The following SLC38A9 variants were observed in gnomAD, a reference collection of about 807,000 sequenced individuals.
SLC38A9 encodes the protein solute carrier family 38 member 9.
Under a neutral mutation model 62.3 loss-of-function variants are expected in SLC38A9, and 48 were observed. The ratio of observed to expected loss-of-function variants is 0.77; its 90% CI spans 0.61 to 0.98. The LOEUF is 0.98. Among genes scored for constraint, SLC38A9 ranks in the 50% least tolerant of loss-of-function variants. SLC38A9 has a pLI of 0.00. For synonymous variants in SLC38A9, 204 were observed against 227.7 expected (o/e 0.90, Z 0.94); for missense variants, 541 against 679.8 (o/e 0.80, Z 2.27).
chr5:55,697,018 G>GGC, intron 3 of SLC38A9: 1 of 156,780 alleles, frequency 6.4e-6, no homozygotes, highest in Non-Finnish European at 1.4e-5. Context: ...GCCGGGAAGA[G>GGC]GCGCTCCTCA....
chr5:55,688,435 A>G (rs1156454636), intron 3 of SLC38A9, among the ~76,000 whole-genome samples: 1 of 133,890 alleles, frequency 7.5e-6, no homozygotes, highest in Non-Finnish European at 1.5e-5. Context: ...GCTGGAGTGC[A>G]GTGGCCCGAT....
chr5:55,697,779 T>C, intron 3 of SLC38A9, 67 bp downstream of exon 3: 1 of 768,790 alleles, frequency 1.3e-6, no homozygotes, highest in East Asian at 2.7e-5. Flanking sequence ...CATGTTTGGT[T>C]ATAATTAGAT....
chr5:55,709,795 T>G (rs889072233), intron 2 of SLC38A9, among the ~76,000 whole-genome samples: 4 of 151,604 alleles, frequency 2.6e-5, no homozygotes, highest in Non-Finnish European at 4.4e-5. Flanking sequence ...GCTGGGCGTG[T>G]GTGGCACACG....
intron 14 of SLC38A9, among the ~76,000 whole-genome samples, chr5:55,632,034 CTAA>C (rs1212816982): frequency 6.6e-6 from 1 of 152,002 alleles, no homozygotes; most frequent in East Asian, 1.9e-4. Flanking sequence ...TCCTTCATCC[CTAA>C]TAAGAGGTTA....
intron 12 of SLC38A9, 62 bp downstream of exon 12, chr5:55,645,727 T>G (rs559214217): frequency 8.7e-7 from 1 of 1,146,078 alleles, no homozygotes; most frequent in South Asian, 1.4e-5. Flanking sequence ...GTGCCTCAAA[T>G]ACTGACTTAA....
chr5:55,656,887 G>A (rs1182529012), intron 8 of SLC38A9, 113 bp from the exon 9 acceptor site: 7 of 459,710 alleles, frequency 1.5e-5, no homozygotes, highest in Non-Finnish European at 2.2e-5. Flanking sequence ...TTGAGACGGA[G>A]TCTTGCTCTG....
At chr5:55,661,296 T>G (rs1448432579) in intron 8 of SLC38A9, among the ~76,000 whole-genome samples, 1 of 151,584 alleles carries the variant, frequency 6.6e-6, no homozygotes, top group Non-Finnish European at 1.5e-5. Context: ...TACAAAAACA[T>G]TAGCCAGGCA....
At chr5:55,671,502 C>CTTTTTTTTTTTTTTTT (rs145470405) in intron 4 of SLC38A9, among the ~76,000 whole-genome samples, 1 of 144,352 alleles carries the variant, frequency 6.9e-6, no homozygotes, top group African/African-American at 2.5e-5. Flanking sequence ...GTTTCCCATT[C>CTTTTTTTTTTTTTTTT]TTCTTTTTTT....
intron 9 of SLC38A9, among the ~76,000 whole-genome samples, chr5:55,654,516 G>T (rs948464564): frequency 1.3e-5 from 2 of 151,898 alleles, no homozygotes; most frequent in South Asian, 4.2e-4. Context: ...GAGGTGGGAG[G>T]ATTGCTGAAA....
At chr5:55,643,545 A>T (rs1745783356) in intron 12 of SLC38A9, among the ~76,000 whole-genome samples, 1 of 152,246 alleles carries the variant, frequency 6.6e-6, no homozygotes. Context: ...TAGATTAAAT[A>T]GGTTGACAGT....
At chr5:55,639,317 A>T (rs1225384248) in intron 12 of SLC38A9, among the ~76,000 whole-genome samples, 1 of 151,564 alleles carries the variant, frequency 6.6e-6, no homozygotes, top group Non-Finnish European at 1.5e-5. Context: ...TATCCCATTT[A>T]CACATATAAC....
chr5:55,664,842 C>A lies in SLC38A9; in HGVS notation c.548G>T (p.Trp183Leu). Residue 183 changes from tryptophan (W) to leucine (L), a missense_variant, in exon 8 of 16, where the codon TGG becomes TTG. Trp to Leu is a moderately conservative substitution (Grantham distance 61, BLOSUM62 -2). Coordinates refer to ENST00000396865, the MANE Select transcript of SLC38A9 (RefSeq NM_173514.4). ...ATGTCTGCAGACATCTGGATATTCC[C>A]AGCTAGTGGTATCCAACGAAACTAG... ...TMMFSLDTTS[W>L]EYPDVCRHYF... is the part of the protein sequence containing the mutation. The A allele has an allele frequency of 4.5e-6, 7 of 1,550,994 alleles. No homozygotes were observed. Among genetic ancestry groups the A allele is most frequent in the Non-Finnish European group, 4.3e-6 (5 of 1,154,210 alleles).
Position 55,633,871 on chromosome 5 carries a change from G to GAAGTTGTC in SLC38A9, c.1312_1313insGACAACTT (p.Thr438ArgfsTer17). The stretch of plus-strand genomic sequence containing the variant: ...GAATATCCTTGCAATGAAGGACAGG[G>GAAGTTGTC]TGTCACTGCTAGGGAAGTTGTCTAA... On this transcript the variant is annotated frameshift_variant, in exon 14 of 16. Coordinates refer to ENST00000396865, the MANE Select transcript of SLC38A9 (RefSeq NM_173514.4). LOFTEE classifies it high-confidence loss of function. The GAAGTTGTC allele has an allele frequency of 6.2e-7, 1 of 1,611,916 alleles. No homozygotes were observed. Among genetic ancestry groups the GAAGTTGTC allele is most frequent in the Non-Finnish European group, 8.5e-7 (1 of 1,179,106 alleles).
chr5:55,685,378 G>A (rs1753635423), intron 3 of SLC38A9, among the ~76,000 whole-genome samples: 1 of 152,028 alleles, frequency 6.6e-6, no homozygotes, highest in Non-Finnish European at 1.5e-5. Context: ...TTTTTTGTGT[G>A]GTTTCTTTCA....
At chr5:55,659,852 G>GC (rs1336685462) in intron 8 of SLC38A9, among the ~76,000 whole-genome samples, 1 of 151,442 alleles carries the variant, frequency 6.6e-6, no homozygotes, top group Non-Finnish European at 1.5e-5. Flanking sequence ...TGCAAGCTCC[G>GC]CCCCCCAGGT....
chr5:55,627,816 C>T, intron 15 of SLC38A9, 75 bp downstream of exon 15: 1 of 866,756 alleles, frequency 1.2e-6, no homozygotes, highest in Non-Finnish European at 1.8e-6. Context: ...TAAATTAAAA[C>T]AACAACAACA....
At chr5:55,654,719 G>A (rs976415898) in intron 9 of SLC38A9, among the ~76,000 whole-genome samples, 4 of 152,134 alleles carry the variant, frequency 2.6e-5, no homozygotes, top group African/African-American at 9.7e-5. Flanking sequence ...TAACTTCTAT[G>A]TTCCCTGGTC....
chr5:55,692,879 A>G (rs1754938890), intron 3 of SLC38A9: 2 of 979,230 alleles, frequency 2.0e-6, no homozygotes, highest in South Asian at 9.5e-5. Context: ...AGTAAGAATC[A>G]AAAGTCTTAT....
intron 8 of SLC38A9, among the ~76,000 whole-genome samples, chr5:55,662,668 C>G (rs1304910992): frequency 3.1e-5 from 2 of 63,876 alleles, no homozygotes; most frequent in African/African-American, 1.1e-4. Context: ...GACTCCGTCT[C>G]AAAAAAACAA....
Sources: gnomAD v4.1 joint callset for allele counts (sites outside exome capture counted in the v4.1 genomes callset) on GRCh38, gnomAD v4.1.1 for gene constraint, MANE v1.5 for transcripts, NCBI Gene and HGNC (gene_info 2026-07-23, HGNC 2026-07-21) for gene names.